The following SORCS2 variants were observed in gnomAD, a reference collection of about 807,000 sequenced individuals.
SORCS2 encodes sortilin related VPS10 domain containing receptor 2, also known as VPS10 domain-containing receptor SorCS2.
A neutral mutation model predicts 141.6 loss-of-function variants in SORCS2; 100 were observed. That is an observed-to-expected ratio of 0.71 (90% CI 0.60 to 0.83). SORCS2 has a LOEUF of 0.83. SORCS2 is among the 40% of genes least tolerant of loss of function. The probability of loss-of-function intolerance (pLI) is 0.00; values close to 1 mark genes in which losing one functional copy is unlikely to be tolerated. For missense variants in SORCS2, 1,646 were observed against 1,560.2 expected (o/e 1.05, Z -0.93); for synonymous variants, 789 against 676.9 (o/e 1.17, Z -2.57).
intron 5 of SORCS2, among the ~76,000 whole-genome samples, chr4:7,658,808 C>T (rs973046784): frequency 1.3e-5 from 2 of 152,156 alleles, no homozygotes; most frequent in Non-Finnish European, 2.9e-5. Context: ...GGTTGGGAAC[C>T]GAACGGGGCC....
At position 7,376,534 on chromosome 4, in the gene SORCS2, G is replaced by A. The variant is rs189231851; in HGVS notation, c.481-19754G>A. Among the ~76,000 whole-genome samples, 251 of 152,262 alleles carry A rather than the reference G, an allele frequency of 1.6e-3. 1 individual carries two copies. Among genetic ancestry groups the A allele is most frequent in the African/African-American group, 5.6e-3 (232 of 41,542 alleles). ...GGAGGTTGCAATGAGCCAAGATTGCGCCACTTTACTCCAGCCTGGGTGACA... is the reference window on the plus strand; with the variant it reads ...GGAGGTTGCAATGAGCCAAGATTGCACCACTTTACTCCAGCCTGGGTGACA... On this transcript the variant is annotated intron_variant, in intron 1 of 26. Transcript: ENST00000507866.
At chr4:7,372,017 G>C (rs1467547559) in intron 1 of SORCS2, among the ~76,000 whole-genome samples, 4 of 152,198 alleles carry the variant, frequency 2.6e-5, no homozygotes, top group Non-Finnish European at 5.9e-5. Context: ...GAAAGGACGA[G>C]AGCAGTATGG....
chr4:7,643,867 G>T (rs113097565), intron 4 of SORCS2, among the ~76,000 whole-genome samples: 1,694 of 152,240 alleles, frequency 0.011, 28 homozygotes, highest in African/African-American at 0.038. Context: ...TACAAGCTTC[G>T]ATACCACGTT....
At chr4:7,381,406 T>C (rs1722987668) in intron 1 of SORCS2, among the ~76,000 whole-genome samples, 1 of 152,064 alleles carries the variant, frequency 6.6e-6, no homozygotes, top group Admixed American at 6.5e-5. Flanking sequence ...AGCCACGCAG[T>C]GTTAGAGGCC....
intron 2 of SORCS2, among the ~76,000 whole-genome samples, chr4:7,417,101 C>A (rs1560267260): frequency 6.6e-6 from 1 of 152,142 alleles, no homozygotes; most frequent in African/African-American, 2.4e-5. Flanking sequence ...CACGAGGAAA[C>A]TGTCTTTGTT....
chr4:7,715,786 C>G (rs964604227), intron 17 of SORCS2, among the ~76,000 whole-genome samples: 3 of 152,220 alleles, frequency 2.0e-5, no homozygotes, highest in African/African-American at 7.2e-5. Context: ...GGAGGTGCTC[C>G]TGCTGCCTGC....
intron 1 of SORCS2, among the ~76,000 whole-genome samples, chr4:7,293,410 C>T (rs981250999): frequency 5.3e-5 from 8 of 152,170 alleles, no homozygotes; most frequent in Admixed American, 5.2e-4. Context: ...CGACCTCCTG[C>T]GGTCCTTGTA....
chr4:7,483,394 G>A (rs1730776507), intron 2 of SORCS2, among the ~76,000 whole-genome samples: 1 of 151,898 alleles, frequency 6.6e-6, no homozygotes, highest in Non-Finnish European at 1.5e-5. Flanking sequence ...GTAGCGTGAG[G>A]CAGCTGCCAG....
intron 10 of SORCS2, among the ~76,000 whole-genome samples, chr4:7,688,135 C>A (rs1723990221): frequency 6.6e-6 from 1 of 152,184 alleles, no homozygotes; most frequent in Admixed American, 6.5e-5. Flanking sequence ...GTAAGCAATT[C>A]ATGGGCCAGA....
chr4:7,454,200 G>C (rs1728700534), intron 2 of SORCS2, among the ~76,000 whole-genome samples: 2 of 129,196 alleles, frequency 1.5e-5, no homozygotes, highest in South Asian at 2.6e-4. Flanking sequence ...GTCAGGTGCT[G>C]TGTGTTGGGG....
At chr4:7,538,906 AGGC>A (rs1404713695) in intron 3 of SORCS2, among the ~76,000 whole-genome samples, 2 of 152,216 alleles carry the variant, frequency 1.3e-5, no homozygotes, top group Admixed American at 1.3e-4. Flanking sequence ...CACTTGGCAG[AGGC>A]GGTGTGGTCA....
chr4:7,385,696 C>T lies in SORCS2; in HGVS notation c.481-10592C>T, dbSNP rs900886475. Among the ~76,000 whole-genome samples the T allele has an allele frequency of 9.2e-5, 14 of 152,346 alleles. No individual in the cohort carries two copies. The South Asian group carries it at 2.7e-3, about 29-fold the overall frequency. ...GTGGGCAGCTTGAGCCACCACCGTTCCCATGTGGTGAGGGACAGACGCCAG... is the reference window on the plus strand; with the variant it reads ...GTGGGCAGCTTGAGCCACCACCGTTTCCATGTGGTGAGGGACAGACGCCAG... On this transcript the variant is annotated intron_variant, in intron 1 of 26. Coordinates refer to ENST00000507866, the MANE Select transcript of SORCS2 (RefSeq NM_020777.3).
At chr4:7,695,876 G>A (rs9998473) in intron 11 of SORCS2, among the ~76,000 whole-genome samples, 7 of 27,682 alleles carry the variant, frequency 2.5e-4, no homozygotes, top group East Asian at 1.6e-3. Flanking sequence ...GGGTGGGTGG[G>A]TGGATGGATG....
intron 1 of SORCS2, among the ~76,000 whole-genome samples, chr4:7,196,474 C>T (rs577456802): frequency 1.3e-5 from 2 of 152,286 alleles, no homozygotes; most frequent in Admixed American, 1.3e-4. Flanking sequence ...CTCACCTGGG[C>T]TCCTTCCCAC....
chr4:7,646,026 A>G (rs1032651122), intron 4 of SORCS2, among the ~76,000 whole-genome samples: 2 of 152,258 alleles, frequency 1.3e-5, no homozygotes, highest in African/African-American at 4.8e-5. Context: ...CCCTAGAGTC[A>G]AACGTGTTCA....
intron 9 of SORCS2, among the ~76,000 whole-genome samples, chr4:7,677,223 G>A (rs533964004): frequency 1.3e-3 from 197 of 152,176 alleles, no homozygotes; most frequent in African/African-American, 4.4e-3. Flanking sequence ...TCGGCCTCCC[G>A]CGTGAGCCTC....
chr4:7,587,973 A>C (rs1716654506), intron 3 of SORCS2, among the ~76,000 whole-genome samples: 1 of 152,224 alleles, frequency 6.6e-6, no homozygotes, highest in African/African-American at 2.4e-5. Flanking sequence ...CAATTTCTCT[A>C]ACTGTAAAAG....
chr4:7,712,625 T>A (rs973966291), intron 14 of SORCS2, 108 bp from the exon 15 acceptor site: 3 of 1,482,144 alleles, frequency 2.0e-6, no homozygotes, highest in Admixed American at 3.5e-5. Context: ...AGGATATCTG[T>A]GCCCATGGTA....
chr4:7,654,754 T>C (rs1024753868), intron 5 of SORCS2, among the ~76,000 whole-genome samples: 1 of 152,032 alleles, frequency 6.6e-6, no homozygotes, highest in African/African-American at 2.4e-5. Context: ...CCCTACTGGG[T>C]GCCAATGAGC....
Sources: gnomAD v4.1 joint callset for allele counts (sites outside exome capture counted in the v4.1 genomes callset) on GRCh38, gnomAD v4.1.1 for gene constraint, MANE v1.5 for transcripts, NCBI Gene and HGNC (gene_info 2026-07-23, HGNC 2026-07-21) for gene names.